The following FRMD4A variants were observed in gnomAD, a reference collection of about 807,000 sequenced individuals.
The protein encoded by FRMD4A is FERM domain containing 4A, also known as FERM domain-containing protein 4A.
FRMD4A carries 29 observed loss-of-function variants against 129.1 expected under a neutral mutation model. That is an observed-to-expected ratio of 0.22 (90% CI 0.17 to 0.31). The LOEUF is 0.31. Ranked by LOEUF, FRMD4A falls within the 10% of genes least tolerant of loss-of-function variation. FRMD4A has a pLI of 1.00. For synonymous variants in FRMD4A, 634 were observed against 571.6 expected (o/e 1.11, Z -1.56); for missense variants, 1,272 against 1,375.8 (o/e 0.92, Z 1.19).
intron 2 of FRMD4A, among the ~76,000 whole-genome samples, chr10:13,985,418 G>A (rs534084769): frequency 6.6e-6 from 1 of 152,308 alleles, no homozygotes; most frequent in South Asian, 2.1e-4. Context: ...AGGGGTTGGT[G>A]GCTACAGGCT....
chr10:14,064,210 T>G (rs1565223007), intron 2 of FRMD4A, among the ~76,000 whole-genome samples: 1 of 152,204 alleles, frequency 6.6e-6, no homozygotes, highest in Non-Finnish European at 1.5e-5. Context: ...TTCAAAGAGC[T>G]GAGATACTGA....
intron 2 of FRMD4A, among the ~76,000 whole-genome samples, chr10:14,272,049 A>C (rs566249012): frequency 2.6e-5 from 4 of 152,184 alleles, no homozygotes; most frequent in Non-Finnish European, 5.9e-5. Flanking sequence ...CAGAAAAAAA[A>C]CCTATATTGA....
rs147267173 is a variant in FRMD4A at position 13,756,611 on chromosome 10, C to T, written c.464+5036G>A. Among the ~76,000 whole-genome samples the T allele has an allele frequency of 1.1e-3, 171 of 152,262 alleles. 1 individual carries two copies. Among genetic ancestry groups the T allele is most frequent in the African/African-American group, 3.7e-3 (154 of 41,560 alleles). ...AACTCCTGGCCTCAAGCAATCCATC[C>T]GCCTCGGCCTCCCAAAGTGCTGGGA... On this transcript the variant is annotated intron_variant, in intron 8 of 24. Transcript: ENST00000357447.
At chr10:14,221,105 G>A (rs1564396678) in intron 2 of FRMD4A, among the ~76,000 whole-genome samples, 1 of 152,148 alleles carries the variant, frequency 6.6e-6, no homozygotes, top group African/African-American at 2.4e-5. Flanking sequence ...AGCGAATGGT[G>A]GCAAGACTTG....
At chr10:13,936,148 C>G (rs2095247544) in intron 2 of FRMD4A, among the ~76,000 whole-genome samples, 1 of 152,152 alleles carries the variant, frequency 6.6e-6, no homozygotes, top group Non-Finnish European at 1.5e-5. Flanking sequence ...TGCTGGCACA[C>G]AAGTAACCAT....
At chr10:14,157,772 T>C (rs1196350750) in intron 2 of FRMD4A, among the ~76,000 whole-genome samples, 1 of 152,176 alleles carries the variant, frequency 6.6e-6, no homozygotes, top group African/African-American at 2.4e-5. Context: ...CTGGCCAAAT[T>C]TACTACGAAT....
rs1833642098 is a variant in FRMD4A, at chr10:14,039,156, C to G, written c.46-180244G>C. 3.9e-5 allele frequency among the ~76,000 whole-genome samples: 6 copies of G among 152,224 alleles called. No individual in the cohort carries two copies. The South Asian group carries it at 1.2e-3, about 32-fold the overall frequency. On this transcript the variant is annotated intron_variant, in intron 2 of 24. Coordinates refer to ENST00000357447, the MANE Select transcript of FRMD4A (RefSeq NM_018027.5). The stretch of plus-strand genomic sequence containing the variant: ...AAGCATCGGGCTATTGATACTGTGG[C>G]TGAAATGCTTAGACTCATGAATTGT...
intron 24 of FRMD4A, chr10:13,648,831 G>A (rs1234779811): frequency 6.6e-6 from 1 of 152,188 alleles, no homozygotes; most frequent in Non-Finnish European, 1.5e-5. Context: ...ATCTGGGTCT[G>A]TTTGGGATAA....
At chr10:14,157,939 G>T (rs1016875492) in intron 2 of FRMD4A, among the ~76,000 whole-genome samples, 1 of 152,144 alleles carries the variant, frequency 6.6e-6, no homozygotes, top group Non-Finnish European at 1.5e-5. Flanking sequence ...ATTTTCAGCA[G>T]ACAAGGAAAA....
At chr10:13,788,154 C>T (rs771619356) in intron 5 of FRMD4A, among the ~76,000 whole-genome samples, 1 of 152,114 alleles carries the variant, frequency 6.6e-6, no homozygotes, top group African/African-American at 2.4e-5. Flanking sequence ...ACTGCTGGTG[C>T]CAGGGTTAGC....
At chr10:13,974,613 G>A (rs939073860) in intron 2 of FRMD4A, among the ~76,000 whole-genome samples, 54 of 152,274 alleles carry the variant, frequency 3.5e-4, no homozygotes, top group Non-Finnish European at 5.4e-4. Context: ...TGCAACCTCC[G>A]CCTCTTGGGT....
chr10:14,072,619 T>C (rs1290389620), intron 2 of FRMD4A, among the ~76,000 whole-genome samples: 3 of 152,184 alleles, frequency 2.0e-5, no homozygotes, highest in African/African-American at 7.2e-5. Context: ...AGGGTTTTCA[T>C]AACTGTTGAA....
chr10:14,316,508 C>CAAAAAAAAAAAAAA (rs760301974), intron 2 of FRMD4A, among the ~76,000 whole-genome samples: 1 of 109,938 alleles, frequency 9.1e-6, no homozygotes, highest in Non-Finnish European at 1.9e-5. Context: ...GTGATAGCAG[C>CAAAAAAAAAAAAAA]AAAAAAAAAA....
chr10:13,887,574 G>A (rs1467078075), intron 2 of FRMD4A, among the ~76,000 whole-genome samples: 3 of 152,290 alleles, frequency 2.0e-5, no homozygotes, highest in East Asian at 1.9e-4. Context: ...AGCTACTTGG[G>A]AGGCTGAGGC....
At chr10:13,955,584 C>T (rs1026087614) in intron 2 of FRMD4A, among the ~76,000 whole-genome samples, 1 of 152,240 alleles carries the variant, frequency 6.6e-6, no homozygotes, top group Admixed American at 6.5e-5. Flanking sequence ...CAGGCCTTTG[C>T]ATATGGCTAG....
intron 2 of FRMD4A, among the ~76,000 whole-genome samples, chr10:14,301,876 A>G (rs1178105651): frequency 6.6e-6 from 1 of 152,164 alleles, no homozygotes; most frequent in Non-Finnish European, 1.5e-5. Context: ...AGTAGGCTGT[A>G]TAACCCTGGA....
intron 2 of FRMD4A, among the ~76,000 whole-genome samples, chr10:14,276,150 T>C (rs1041404724): frequency 3.9e-5 from 6 of 152,182 alleles, no homozygotes; most frequent in African/African-American, 1.2e-4. Context: ...GATAGTTTTT[T>C]CCCACCGGAA....
At chr10:13,816,922 G>A (rs553777430) in intron 3 of FRMD4A, among the ~76,000 whole-genome samples, 13 of 152,322 alleles carry the variant, frequency 8.5e-5, no homozygotes, top group Admixed American at 2.6e-4. Context: ...GCCATCAGCC[G>A]TCCTGGCCCT....
intron 2 of FRMD4A, among the ~76,000 whole-genome samples, chr10:13,907,888 G>A (rs571880652): frequency 6.7e-6 from 1 of 148,814 alleles, no homozygotes; most frequent in African/African-American, 2.5e-5. Flanking sequence ...CAGATAGGCC[G>A]GGTGCAGTGG....
Sources: allele counts gnomAD v4.1 joint callset (sites outside exome capture counted in the v4.1 genomes callset), GRCh38; gene constraint gnomAD v4.1.1; transcripts MANE v1.5; gene names NCBI Gene and HGNC (gene_info 2026-07-23, HGNC 2026-07-21).